The following CRTC3 variants were observed in gnomAD, a reference collection of about 807,000 sequenced individuals.
The protein encoded by CRTC3 is CREB regulated transcription coactivator 3, also known as CREB-regulated transcription coactivator 3.
CRTC3 carries 26 observed loss-of-function variants against 74.5 expected under a neutral mutation model. The ratio of observed to expected loss-of-function variants is 0.35; its 90% confidence interval spans 0.26 to 0.48. The LOEUF (loss-of-function observed/expected upper bound fraction) is 0.48, where lower values mean the gene tolerates loss of function less well. CRTC3 is among the 20% of genes least tolerant of loss of function. The pLI is 0.99. For missense variants in CRTC3, 760 were observed against 787.3 expected, an observed-to-expected ratio of 0.97 and a Z score of 0.41; for synonymous variants, 377 against 325.8, an observed-to-expected ratio of 1.16 and a Z score of -1.69.
At chr15:90,557,255 G>T (rs1966912747) in intron 2 of CRTC3, among the ~76,000 whole-genome samples, 1 of 152,040 alleles carries the variant, frequency 6.6e-6, no homozygotes, top group African/African-American at 2.4e-5. Context: ...CTTCTAGGTA[G>T]GACCGCCTAC....
intron 9 of CRTC3, among the ~76,000 whole-genome samples, chr15:90,623,331 G>C (rs1044847534): frequency 6.6e-6 from 1 of 152,170 alleles, no homozygotes; most frequent in Non-Finnish European, 1.5e-5. Context: ...GTTGCCTCCT[G>C]TACGTAACTG....
rs527290335 is a variant in CRTC3, at chr15:90,565,136, C to T, written c.231+24999C>T. Among the ~76,000 whole-genome samples the T allele has an allele frequency of 1.1e-4, 16 of 152,218 alleles. No individual in the cohort carries two copies. In the South Asian group the frequency reaches 1.2e-3, roughly 12 times the overall value. On this transcript the variant is annotated intron_variant, in intron 2 of 14. Coordinates refer to ENST00000268184, the MANE Select transcript of CRTC3 (RefSeq NM_022769.5). ...TTGTATTTTTAGTTTTTAGTAGAGA[C>T]GGGGTTTCTCCATGTTGGTCAGGCT... is the stretch of plus-strand genomic sequence containing the variant.
At chr15:90,603,259 C>A (rs560716289) in intron 4 of CRTC3, among the ~76,000 whole-genome samples, 5 of 149,378 alleles carry the variant, frequency 3.3e-5, no homozygotes, top group Admixed American at 1.3e-4. Context: ...CTCGCTAACA[C>A]GGTGAAACCC....
At chr15:90,553,870 A>G (rs987343948) in intron 2 of CRTC3, among the ~76,000 whole-genome samples, 8 of 152,262 alleles carry the variant, frequency 5.3e-5, no homozygotes, top group African/African-American at 9.6e-5. Context: ...GATAAAACCA[A>G]TGATCTACTT....
chr15:90,609,112 A>G (rs1968298723), intron 6 of CRTC3, among the ~76,000 whole-genome samples: 1 of 152,226 alleles, frequency 6.6e-6, no homozygotes. Context: ...CAGGGATAGT[A>G]CTGAATAATA....
At chr15:90,564,649 C>G (rs185073727) in intron 2 of CRTC3, among the ~76,000 whole-genome samples, 39 of 152,330 alleles carry the variant, frequency 2.6e-4, no homozygotes, top group African/African-American at 9.1e-4. Context: ...AAACCATTAT[C>G]TCTAAAACTC....
chr15:90,601,043 A>T (rs1968055844), intron 3 of CRTC3, among the ~76,000 whole-genome samples: 1 of 152,262 alleles, frequency 6.6e-6, no homozygotes, highest in Admixed American at 6.5e-5. Context: ...GGATCACCGC[A>T]ATTACTAAGC....
chr15:90,637,502 AT>A (rs554701398), intron 11 of CRTC3, among the ~76,000 whole-genome samples: 12 of 152,344 alleles, frequency 7.9e-5, no homozygotes, highest in Admixed American at 7.8e-4. Flanking sequence ...GTGTATACAT[AT>A]GTAACAAACC....
chr15:90,638,626 T>C lies in CRTC3; in HGVS notation c.1447T>C (p.Phe483Leu), dbSNP rs1397406214. Residue 483 changes from phenylalanine to leucine, a missense_variant, in exon 12 of 15, where the codon TTT becomes CTT. This residue lies in a region of CRTC3 where 652 missense variants were observed against 635.2 expected (regional missense o/e 1.03). Transcript: ENST00000268184. ...QAASSLPQSD[F>L]QLLPAQGSSL... ...AGCCTCCTCACTGCCACAGTCAGAC[T>C]TTCAGCTTCTCCCGGCCCAGGTGAG... The C allele has an allele frequency of 6.2e-7, 1 of 1,613,624 alleles. No homozygotes were observed.
intron 5 of CRTC3, chr15:90,606,871 T>C (rs1305371749): frequency 6.6e-6 from 1 of 152,362 alleles, no homozygotes; most frequent in African/African-American, 2.4e-5. Flanking sequence ...AAGCCCGCCG[T>C]GCTTGGGAGA....
At chr15:90,608,126 A>G (rs984084957) in intron 6 of CRTC3, among the ~76,000 whole-genome samples, 2 of 152,146 alleles carry the variant, frequency 1.3e-5, no homozygotes, top group Non-Finnish European at 2.9e-5. Context: ...TCACCTGCTC[A>G]GTTGCCCCCT....
chr15:90,622,264 A>G (rs962404280), intron 9 of CRTC3, among the ~76,000 whole-genome samples: 42 of 152,168 alleles, frequency 2.8e-4, no homozygotes, highest in African/African-American at 1.0e-3. Context: ...TAGTAACTAT[A>G]TTTGGAAAGG....
At chr15:90,533,421 G>GAAA (rs1555445284) in intron 1 of CRTC3, among the ~76,000 whole-genome samples, 4 of 67,798 alleles carry the variant, frequency 5.9e-5, no homozygotes, top group Admixed American at 1.3e-4. Context: ...ACTCCGCCTA[G>GAAA]GAAAAAAAAA....
At chr15:90,594,358 C>T (rs1048544846) in intron 3 of CRTC3, 1 of 152,284 alleles carries the variant, frequency 6.6e-6, no homozygotes, top group Non-Finnish European at 1.5e-5. Context: ...TTTAATCAGT[C>T]CTGTTTACAG....
At position 90,540,184 on chromosome 15, in the gene CRTC3, A is replaced by G. The variant is rs1425131283; in HGVS notation, c.231+47A>G. On this transcript the variant is annotated intron_variant, in intron 2 of 14. Coordinates refer to ENST00000268184, the MANE Select transcript of CRTC3 (RefSeq NM_022769.5). ...CTTGAAGCTGAATGGAGTGTAAAAA[A>G]TAGACAAAGATTATCACTAAAAAGA... is the stretch of plus-strand genomic sequence containing the variant. 3.2e-6 allele frequency: 4 copies of G among 1,242,076 alleles called. No homozygotes were observed. In the Admixed American group the frequency reaches 6.2e-5, roughly 19 times the overall value. 76.9% of individuals were successfully genotyped at this position (1,242,076 alleles called of 1,614,324 possible).
At chr15:90,565,103 G>A (rs1250366320) in intron 2 of CRTC3, among the ~76,000 whole-genome samples, 1 of 152,126 alleles carries the variant, frequency 6.6e-6, no homozygotes, top group Non-Finnish European at 1.5e-5. Context: ...TGACCACGCT[G>A]GCTAATTTTG....
Position 90,575,357 on chromosome 15 carries a change from A to G in CRTC3, c.232-18279A>G, listed in dbSNP as rs183346464. On this transcript the variant is annotated intron_variant, in intron 2 of 14. Coordinates refer to ENST00000268184, the MANE Select transcript of CRTC3 (RefSeq NM_022769.5). ...GAAGGATGAAACTCCGTCTCAAAAA[A>G]AAGAAAAGTTAATGCCTTTTTGGTT... Among the ~76,000 whole-genome samples, 629 of 152,368 alleles carry G rather than the reference A, an allele frequency of 4.1e-3. 2 individuals carry two copies. The highest frequency in any genetic ancestry group is 6.1e-3 in the Non-Finnish European group (412 of 68,044).
Position 90,619,797 on chromosome 15 carries a change from A to T in CRTC3, c.749+7A>T. 6.2e-7 allele frequency: 1 copy of T among 1,611,496 alleles called. No individual in the cohort carries two copies. The highest frequency in any genetic ancestry group is 8.5e-7 in the Non-Finnish European group (1 of 1,177,570). ...GTGATGTTGGAGGTGGCAAGTAAGT[A>T]ATATTCTTTCTGTTCGTGTTTCAGG... On this transcript the variant is annotated splice_region_variant and intron_variant, in intron 9 of 14. Transcript: ENST00000268184.
chr15:90,641,083 T>G lies in CRTC3; in HGVS notation c.1549-14T>G, dbSNP rs1459785355. ...GAGGTGTGGCCTTCCTCACATGACC[T>G]TCGATGCTTCCAGGTGCCTCTGGTG... is the stretch of plus-strand genomic sequence containing the variant. On this transcript the variant is annotated splice_polypyrimidine_tract_variant and intron_variant, in intron 13 of 14. Transcript: ENST00000268184. 1 of 1,586,016 alleles carries G rather than the reference T, an allele frequency of 6.3e-7. No individual in the cohort carries two copies. The highest frequency in any genetic ancestry group is 1.1e-5 in the South Asian group (1 of 90,364).
Sources: allele counts gnomAD v4.1 joint callset (sites outside exome capture counted in the v4.1 genomes callset), GRCh38; gene constraint gnomAD v4.1.1; regional missense constraint gnomAD v4.1.1; transcripts MANE v1.5; gene names NCBI Gene and HGNC (gene_info 2026-07-23, HGNC 2026-07-21).